The following AKAP9 variants were observed in gnomAD, a reference collection of about 807,000 sequenced individuals.
AKAP9 encodes the protein A-kinase anchor protein 9.
Under a neutral mutation model 488.5 loss-of-function variants are expected in AKAP9, and 311 were observed. That is an observed-to-expected ratio of 0.64 (90% confidence interval 0.58 to 0.70). The LOEUF (loss-of-function observed/expected upper bound fraction) is 0.70, where lower values mean the gene tolerates loss of function less well. Ranked by LOEUF, AKAP9 falls within the 30% of genes least tolerant of loss-of-function variation. The pLI, the probability that AKAP9 is intolerant of heterozygous loss-of-function variation, is 0.00. For synonymous variants in AKAP9, 1,462 were observed against 1,483.5 expected (o/e 0.99, Z 0.33); for missense variants, 4,215 against 4,374.5 (o/e 0.96, Z 1.03).
chr7:92,082,383 A>G (rs1813733661), intron 31 of AKAP9, 139 bp from the exon 32 acceptor site: 12 of 823,840 alleles, frequency 1.5e-5, no homozygotes, highest in Admixed American at 5.6e-5. Context: ...CTGTTTTTGG[A>G]AAGAGCATTG....
At chr7:92,085,425 G>A in intron 35 of AKAP9, 70 bp from the exon 36 acceptor site, 2 of 1,413,784 alleles carry the variant, frequency 1.4e-6, no homozygotes, top group Non-Finnish European at 1.0e-6. Context: ...ATTTATTTCT[G>A]TTTGTAAGTC....
chr7:91,963,959 A>G (rs1023302767), intron 1 of AKAP9, among the ~76,000 whole-genome samples: 9 of 151,984 alleles, frequency 5.9e-5, no homozygotes, highest in Admixed American at 5.9e-4. Context: ...TTAAAGCACA[A>G]CAAAGCTTAC....
chr7:91,984,554 C>G (rs957696985), intron 3 of AKAP9, among the ~76,000 whole-genome samples: 2 of 152,160 alleles, frequency 1.3e-5, no homozygotes, highest in African/African-American at 4.8e-5. Context: ...AGTTTGAAGT[C>G]AGGTAGTGTG....
rs775989174 is a variant in AKAP9, at chr7:92,102,794, G to A, written c.11298G>A (p.Arg3766=). 1.6e-5 allele frequency: 26 copies of A among 1,614,090 alleles called. No homozygotes were observed. Among genetic ancestry groups the A allele is most frequent in the Admixed American group, 6.7e-5 (4 of 60,008 alleles). ...TNRPKGFTRF[R]SAVRVSIAIS... ...GCCCAAAGGGCTTCACCAGGTTTCG[G>A]TCGGCCGTCAGAGTATCCATTGCAA... is the stretch of plus-strand genomic sequence containing the variant. The change falls in exon 46 of 50, where the codon CGG becomes CGA. Residue 3766 remains arginine (R), a synonymous_variant. Coordinates refer to ENST00000356239, the MANE Select transcript of AKAP9 (RefSeq NM_005751.5).
intron 22 of AKAP9, among the ~76,000 whole-genome samples, chr7:92,056,554 A>T (rs959379077): frequency 6.6e-6 from 1 of 150,922 alleles, no homozygotes; most frequent in Non-Finnish European, 1.5e-5. Flanking sequence ...CTTTGTTAAG[A>T]CACCTTCACA....
At position 92,079,721 on chromosome 7, in the gene AKAP9, C is replaced by G; in HGVS notation, c.7588C>G (p.Gln2530Glu). ...AATAAAAGACATGCAAGAACAAGGC[C>G]AGTTTGAAACAGAAATGCTTCAAAA... The part of the protein sequence containing the change: ...KQIKDMQEQG[Q>E]FETEMLQKKI... The change falls in exon 31 of 50, where the codon CAG (glutamine) becomes GAG (glutamate). Residue 2530 changes from glutamine (Q) to glutamate (E), a missense_variant. By Grantham distance (29) the Gln-to-Glu change is conservative. Coordinates refer to ENST00000356239, the MANE Select transcript of AKAP9 (RefSeq NM_005751.5). 6.2e-7 allele frequency: 1 copy of G among 1,613,984 alleles called. No individual in the cohort carries two copies. Among genetic ancestry groups the G allele is most frequent in the Non-Finnish European group, 8.5e-7 (1 of 1,179,982 alleles).
chr7:91,986,912 T>G (rs1355971794), intron 3 of AKAP9, among the ~76,000 whole-genome samples: 3 of 151,480 alleles, frequency 2.0e-5, no homozygotes, highest in Non-Finnish European at 4.4e-5. Flanking sequence ...TTACATATAT[T>G]TATAGTTATA....
chr7:91,983,745 C>G (rs938362387), intron 3 of AKAP9, among the ~76,000 whole-genome samples: 1 of 152,196 alleles, frequency 6.6e-6, no homozygotes, highest in African/African-American at 2.4e-5. Context: ...CTAGTTTACA[C>G]TCCCACAAAC....
At chr7:92,101,079 A>T in intron 45 of AKAP9, 23 bp downstream of exon 45, 1 of 1,606,736 alleles carries the variant, frequency 6.2e-7, no homozygotes, top group Non-Finnish European at 8.5e-7. Flanking sequence ...TCCCATCTAA[A>T]CATCACAGCT....
Position 91,950,550 on chromosome 7 carries a change from A to C in AKAP9, c.48+9403A>C, listed in dbSNP as rs147294582. On this transcript the variant is annotated intron_variant, in intron 1 of 49. Transcript: ENST00000356239. The stretch of plus-strand genomic sequence containing the variant: ...CAGGCTAGGGTCTCACTTTTATTCA[A>C]GTTAGTATTGCCTTATTAGTTGTTT... 9.8e-3 allele frequency among the ~76,000 whole-genome samples: 1,490 copies of C among 152,228 alleles called. 34 individuals are homozygous for C. Among genetic ancestry groups the C allele is most frequent in the African/African-American group, 0.034 (1,421 of 41,542 alleles).
rs372328956 is a variant in AKAP9 at position 92,004,409 on chromosome 7, G to C, written c.3318+1174G>C. ...TTGAATCTATAAATTACCTTGGGCA[G>C]TATGGCCATTTTCACAATATTGATT... is the stretch of plus-strand genomic sequence containing the variant. On this transcript the variant is annotated intron_variant, in intron 8 of 49. Coordinates refer to ENST00000356239, the MANE Select transcript of AKAP9 (RefSeq NM_005751.5). Among the ~76,000 whole-genome samples, 4 of 152,288 alleles carry C rather than the reference G, an allele frequency of 2.6e-5. 1 individual carries two copies.
At chr7:92,109,806 C>T (rs1819076611) in intron 49 of AKAP9, among the ~76,000 whole-genome samples, 1 of 152,020 alleles carries the variant, frequency 6.6e-6, no homozygotes. Flanking sequence ...CAAAAATTTG[C>T]TGGACATGGT....
Position 92,097,124 on chromosome 7 carries a change from A to G in AKAP9, c.10165A>G (p.Lys3389Glu). The G allele has an allele frequency of 6.2e-7, 1 of 1,614,244 alleles. No homozygotes were observed. Among genetic ancestry groups the G allele is most frequent in the Non-Finnish European group, 8.5e-7 (1 of 1,180,046 alleles). ...QMEKDRQVHR[K>E]TLQTEQEANT... Reference sequence around the variant, plus strand: ...GGAAAAAGATAGGCAGGTTCACAGGAAAACACTGCAGACAGAACAGGAGGC... The same window carrying G: ...GGAAAAAGATAGGCAGGTTCACAGGGAAACACTGCAGACAGAACAGGAGGC... The change falls in exon 41 of 50, where the codon AAA becomes GAA. Residue 3389 changes from lysine (K) to glutamate (E), a missense_variant. Physicochemically the swap from Lys to Glu is moderately conservative, Grantham distance 56. Transcript: ENST00000356239.
chr7:92,077,612 A>G, intron 29 of AKAP9, 84 bp from the exon 30 acceptor site: 2 of 1,158,422 alleles, frequency 1.7e-6, no homozygotes, highest in South Asian at 2.5e-5. Context: ...TTTGTACGTT[A>G]TAGGCTCTGA....
intron 1 of AKAP9, 51 bp downstream of exon 1, chr7:91,941,198 C>G: frequency 2.0e-6 from 3 of 1,515,798 alleles, no homozygotes; most frequent in Non-Finnish European, 2.7e-6. Context: ...GTGGCTAGCA[C>G]GGGGTGGGAG....
intron 46 of AKAP9, among the ~76,000 whole-genome samples, chr7:92,104,357 A>AT (rs1270077710): frequency 4.0e-5 from 6 of 151,282 alleles, no homozygotes; most frequent in African/African-American, 2.4e-5. Flanking sequence ...CACCCGGCTA[A>AT]TTTTTTTGTA....
At chr7:91,992,299 C>G in intron 4 of AKAP9, 88 bp downstream of exon 4, 1 of 936,596 alleles carries the variant, frequency 1.1e-6, no homozygotes, top group East Asian at 2.4e-5. Context: ...CCTGCATGTA[C>G]TTCTTTCTGT....
rs1205692229 is a variant in AKAP9, at chr7:92,079,631, A to G, written c.7498A>G (p.Arg2500Gly). 1 of 1,613,964 alleles carries G rather than the reference A, an allele frequency of 6.2e-7. No individual in the cohort carries two copies. Among genetic ancestry groups the G allele is most frequent in the Admixed American group, 1.7e-5 (1 of 59,996 alleles). The change falls in exon 31 of 50, where the codon AGG (arginine) becomes GGG (glycine). Residue 2500 changes from arginine to glycine, a missense_variant. By Grantham distance (125) the Arg-to-Gly change is moderately radical. Coordinates refer to ENST00000356239, the MANE Select transcript of AKAP9 (RefSeq NM_005751.5). ...GKGSIINLET[R>G]LLQLESTVSA... ...AGGTTCCATAATTAATTTGGAAACAAGGTTGCTACAACTTGAGAGCACTGT... is the reference window on the plus strand; with the variant it reads ...AGGTTCCATAATTAATTTGGAAACAGGGTTGCTACAACTTGAGAGCACTGT...
chr7:92,031,515 T>C lies in AKAP9; in HGVS notation c.4249T>C (p.Ser1417Pro). 1 of 1,608,350 alleles carries C rather than the reference T, an allele frequency of 6.2e-7. No individual in the cohort carries two copies. Among genetic ancestry groups the C allele is most frequent in the Non-Finnish European group, 8.5e-7 (1 of 1,175,200 alleles). The change falls in exon 16 of 50, where the codon TCT becomes CCT. Residue 1417 changes from serine (S) to proline (P), a missense_variant. Coordinates refer to ENST00000356239, the MANE Select transcript of AKAP9 (RefSeq NM_005751.5). ...KKNIDGTIEF[S>P]GEFGVKEETN... is the part of the protein sequence containing the mutation. ...CATATTTTGCTTTTAAATGTAGTTT[T>C]CTGGTGAATTTGGAGTGAAAGAGGA...
Sources: allele counts gnomAD v4.1 joint callset (sites outside exome capture counted in the v4.1 genomes callset), GRCh38; gene constraint gnomAD v4.1.1; transcripts MANE v1.5; gene names NCBI Gene and HGNC (gene_info 2026-07-23, HGNC 2026-07-21).